ZCCHC4: variants seen among roughly 807,000 people sequenced by gnomAD.
The protein encoded by ZCCHC4 is zinc finger CCHC-type containing 4.
A neutral mutation model predicts 67.7 loss-of-function variants in ZCCHC4; 54 were observed. That is an observed-to-expected ratio of 0.80 (90% CI 0.64 to 1.00). The LOEUF (loss-of-function observed/expected upper bound fraction) is 1.00, where lower values mean the gene tolerates loss of function less well. Among genes scored for constraint, ZCCHC4 ranks in the 50% least tolerant of loss-of-function variants. The probability of loss-of-function intolerance (pLI) is 0.00; values close to 1 mark genes in which losing one functional copy is unlikely to be tolerated. For synonymous variants in ZCCHC4, 198 were observed against 213.5 expected (o/e 0.93, Z 0.63); for missense variants, 609 against 617.0 (o/e 0.99, Z 0.14).
chr4:25,357,655 A>G (rs1454258411), intron 8 of ZCCHC4, among the ~76,000 whole-genome samples: 1 of 152,196 alleles, frequency 6.6e-6, no homozygotes, highest in Non-Finnish European at 1.5e-5. Flanking sequence ...TGATTCACTT[A>G]TTAAATAGCT....
intron 5 of ZCCHC4, among the ~76,000 whole-genome samples, chr4:25,335,931 G>A (rs1719436245): frequency 6.6e-6 from 1 of 152,090 alleles, no homozygotes; most frequent in South Asian, 2.1e-4. Context: ...GACAGCACTA[G>A]CACACTTTAC....
At chr4:25,345,735 A>G in intron 6 of ZCCHC4, 115 bp downstream of exon 6, 1 of 658,450 alleles carries the variant, frequency 1.5e-6, no homozygotes. Flanking sequence ...CTGTTCTACC[A>G]TTTACTGATA....
chr4:25,331,233 T>C (rs1719166617), intron 3 of ZCCHC4, among the ~76,000 whole-genome samples: 1 of 152,246 alleles, frequency 6.6e-6, no homozygotes, highest in African/African-American at 2.4e-5. Context: ...TTTTGTCTTT[T>C]TAAAACTTCT....
At chr4:25,355,237 C>T (rs1244384725) in intron 8 of ZCCHC4, among the ~76,000 whole-genome samples, 1 of 152,158 alleles carries the variant, frequency 6.6e-6, no homozygotes, top group Non-Finnish European at 1.5e-5. Context: ...TTAGAGACCA[C>T]TTAATCTTGG....
At chr4:25,326,485 C>A (rs1373208558) in intron 3 of ZCCHC4, among the ~76,000 whole-genome samples, 2 of 152,102 alleles carry the variant, frequency 1.3e-5, no homozygotes, top group Admixed American at 6.5e-5. Context: ...ACTGCAGCAC[C>A]TTTCTCAAAA....
chr4:25,360,145 A>G (rs535520931), intron 8 of ZCCHC4, among the ~76,000 whole-genome samples: 119 of 152,336 alleles, frequency 7.8e-4, no homozygotes, highest in African/African-American at 2.7e-3. Flanking sequence ...GTGTTGCCGC[A>G]GGGCTTTTTG....
intron 6 of ZCCHC4, among the ~76,000 whole-genome samples, chr4:25,348,939 C>T (rs1301757471): frequency 1.3e-5 from 2 of 152,150 alleles, no homozygotes; most frequent in Non-Finnish European, 2.9e-5. Context: ...GGACCAGATG[C>T]GCTTTGTCGT....
At chr4:25,352,144 G>A (rs1416463959) in intron 8 of ZCCHC4, 2 of 985,780 alleles carry the variant, frequency 2.0e-6, no homozygotes, top group East Asian at 2.3e-4. Flanking sequence ...TCACTCTTGG[G>A]ATGTCAGGAG....
chr4:25,366,286 A>C (rs1720943458), intron 12 of ZCCHC4: 4 of 862,902 alleles, frequency 4.6e-6, no homozygotes, highest in Non-Finnish European at 4.2e-6. Context: ...AGTTTTAAAA[A>C]CTTAAAGAAG....
At chr4:25,365,769 C>T in intron 12 of ZCCHC4, 1 of 985,358 alleles carries the variant, frequency 1.0e-6, no homozygotes, top group Non-Finnish European at 1.2e-6. Flanking sequence ...ATACCTATGA[C>T]AATAGCTTAT....
rs958402238 is a variant in ZCCHC4, at chr4:25,333,512, T to A, written c.605+54T>A. On this transcript the variant is annotated intron_variant, in intron 4 of 12. Transcript: ENST00000302874. ...TCTTCTCACCACTATTGAAACTGTA[T>A]GAAGATTTTATTAAGTAGTTACTTA... is the stretch of plus-strand genomic sequence containing the variant. 3 of 1,576,544 alleles carry A rather than the reference T, an allele frequency of 1.9e-6. No individual in the cohort carries two copies. In the African/African-American group the frequency reaches 4.1e-5, roughly 21 times the overall value.
chr4:25,360,174 C>T (rs990957336), intron 8 of ZCCHC4, among the ~76,000 whole-genome samples: 6 of 152,324 alleles, frequency 3.9e-5, no homozygotes, highest in South Asian at 2.1e-4. Context: ...CACCATTAGC[C>T]ATGGTCTTGT....
intron 8 of ZCCHC4, among the ~76,000 whole-genome samples, chr4:25,355,973 T>A (rs1168677521): frequency 6.6e-6 from 1 of 152,218 alleles, no homozygotes; most frequent in Non-Finnish European, 1.5e-5. Context: ...GTACTCTGTC[T>A]TATTTAATCT....
chr4:25,363,056 T>G (rs1720813873), intron 10 of ZCCHC4, among the ~76,000 whole-genome samples: 1 of 152,212 alleles, frequency 6.6e-6, no homozygotes, highest in Non-Finnish European at 1.5e-5. Flanking sequence ...AGGTTCACTC[T>G]TGGTGTTTTA....
chr4:25,314,025 T>C (rs1192183661), intron 1 of ZCCHC4, 21 bp from the exon 2 acceptor site: 4 of 1,451,962 alleles, frequency 2.8e-6, no homozygotes, highest in African/African-American at 1.4e-5. Context: ...CTTTTTTTTT[T>C]TTTTTCTATT....
Position 25,345,620 on chromosome 4 carries a change from G to A in ZCCHC4, c.759G>A (p.Lys253=). 3 of 1,556,756 alleles carry A rather than the reference G, an allele frequency of 1.9e-6. No homozygotes were observed. Among genetic ancestry groups the A allele is most frequent in the Non-Finnish European group, 2.6e-6 (3 of 1,133,048 alleles). Residue 253 remains lysine, a splice_region_variant and synonymous_variant, in exon 6 of 13, where the codon AAG becomes AAA. Coordinates refer to ENST00000302874, the MANE Select transcript of ZCCHC4 (RefSeq NM_024936.3). Reference sequence around the variant, plus strand: ...TTAACCATCATTTCTTTGATGGAAAGGTAAGAGCTGTGACCATTATCTCAT... The same window carrying A: ...TTAACCATCATTTCTTTGATGGAAAAGTAAGAGCTGTGACCATTATCTCAT... ...NMFNHHFFDG[K]TALEVCRAFL...
Position 25,314,084 on chromosome 4 carries a change from G to T in ZCCHC4, c.166G>T (p.Glu56Ter). 2 of 1,608,284 alleles carry T rather than the reference G, an allele frequency of 1.2e-6. No homozygotes were observed. The highest frequency in any genetic ancestry group is 1.7e-6 in the Non-Finnish European group (2 of 1,178,184). Residue 56 changes from glutamate (E) to a stop codon, truncating the protein, a stop_gained, in exon 2 of 13, where the codon GAA becomes TAA. Coordinates refer to ENST00000302874, the MANE Select transcript of ZCCHC4 (RefSeq NM_024936.3). LOFTEE classifies it high-confidence loss of function. Reference protein sequence around the residue: ...LLFVKVTQGKEETRRFYACSA... With the variant: ...LLFVKVTQGK ...GTTTGTAAAGGTGACCCAAGGGAAA[G>T]AAGAAACTCGGAGGTTTTATGCCTG... is the stretch of plus-strand genomic sequence containing the variant.
intron 1 of ZCCHC4, among the ~76,000 whole-genome samples, chr4:25,313,295 G>A (rs551877369): frequency 2.6e-5 from 4 of 152,328 alleles, no homozygotes; most frequent in Non-Finnish European, 5.9e-5. Flanking sequence ...GAGAAAAACA[G>A]TGTAATTCTT....
chr4:25,364,618 T>A, intron 11 of ZCCHC4, 113 bp downstream of exon 11: 1 of 942,340 alleles, frequency 1.1e-6, no homozygotes. Flanking sequence ...GTGTAGAGAC[T>A]TGTAATTTAT....
Sources: gnomAD v4.1 joint callset for allele counts (sites outside exome capture counted in the v4.1 genomes callset) on GRCh38, gnomAD v4.1.1 for gene constraint, MANE v1.5 for transcripts, NCBI Gene and HGNC (gene_info 2026-07-23, HGNC 2026-07-21) for gene names.